The following BBS9 variants were observed in gnomAD, a reference collection of about 807,000 sequenced individuals.
BBS9 encodes protein PTHB1.
In BBS9, 89 loss-of-function variants were observed where a neutral mutation model predicts 117.7. The ratio of observed to expected loss-of-function variants is 0.76; its 90% CI spans 0.64 to 0.90. The LOEUF (loss-of-function observed/expected upper bound fraction) is 0.90. Ranked by LOEUF, BBS9 falls within the 40% of genes least tolerant of loss-of-function variation. The pLI is 0.00. For synonymous variants in BBS9, 379 were observed against 370.9 expected (o/e 1.02, Z -0.25); for missense variants, 982 against 1,042.2 (o/e 0.94, Z 0.80).
chr7:33,239,563 C>T (rs915792774), intron 5 of BBS9, among the ~76,000 whole-genome samples: 30 of 152,198 alleles, frequency 2.0e-4, no homozygotes, highest in South Asian at 2.1e-4. Context: ...GCACGTGCCA[C>T]CATGCCCCAA....
At position 33,475,013 on chromosome 7, in the gene BBS9, C is replaced by T. The variant is rs115864458; in HGVS notation, c.2116-30450C>T. ...TGTCCAGCAACATTTGTCTTCCATCCTATTGATCCTAATAGTCTTTGCCTT... is the reference window on the plus strand; with the variant it reads ...TGTCCAGCAACATTTGTCTTCCATCTTATTGATCCTAATAGTCTTTGCCTT... On this transcript the variant is annotated intron_variant, in intron 19 of 22. Transcript: ENST00000242067. 1.7e-3 allele frequency among the ~76,000 whole-genome samples: 258 copies of T among 152,306 alleles called. 1 individual carries two copies. The highest frequency in any genetic ancestry group is 5.5e-3 in the African/African-American group (228 of 41,578).
At chr7:33,204,294 C>T (rs569525155) in intron 5 of BBS9, among the ~76,000 whole-genome samples, 1 of 150,608 alleles carries the variant, frequency 6.6e-6, no homozygotes, top group East Asian at 2.0e-4. Flanking sequence ...GTAATCCCAG[C>T]TACTTGGGAG....
intron 2 of BBS9, among the ~76,000 whole-genome samples, chr7:33,151,257 A>G (rs76623231): frequency 0.028 from 4,115 of 147,676 alleles, 75 homozygotes; most frequent in African/African-American, 0.062. Context: ...GTCTCAAAGG[A>G]AAAAAAAAAA....
intron 20 of BBS9, among the ~76,000 whole-genome samples, chr7:33,511,114 T>G (rs1846893791): frequency 6.6e-6 from 1 of 152,090 alleles, no homozygotes; most frequent in African/African-American, 2.4e-5. Flanking sequence ...CCATGATTAA[T>G]TTTTTTCTGT....
chr7:33,468,465 A>G (rs970141232), intron 19 of BBS9, among the ~76,000 whole-genome samples: 1 of 152,194 alleles, frequency 6.6e-6, no homozygotes, highest in South Asian at 2.1e-4. Context: ...CAATGTATTA[A>G]TGATCAAACC....
At chr7:33,302,551 T>A (rs1806715678) in intron 9 of BBS9, among the ~76,000 whole-genome samples, 1 of 152,238 alleles carries the variant, frequency 6.6e-6, no homozygotes, top group Non-Finnish European at 1.5e-5. Flanking sequence ...CCTCAATTTA[T>A]GTTCTTGACA....
chr7:33,522,301 A>G (rs1484313250), intron 20 of BBS9, among the ~76,000 whole-genome samples: 1 of 152,020 alleles, frequency 6.6e-6, no homozygotes, highest in Admixed American at 6.5e-5. Flanking sequence ...TTCTAGTTCT[A>G]GATCCCTGAG....
intron 21 of BBS9, among the ~76,000 whole-genome samples, chr7:33,547,047 A>T (rs1853501550): frequency 6.6e-6 from 1 of 152,140 alleles, no homozygotes. Flanking sequence ...TGAAATAATT[A>T]TAGACTCGTG....
At chr7:33,298,018 G>A (rs1268278562) in intron 9 of BBS9, among the ~76,000 whole-genome samples, 1 of 151,908 alleles carries the variant, frequency 6.6e-6, no homozygotes, top group African/African-American at 2.4e-5. Flanking sequence ...TCTCTTATTT[G>A]TTGGTAAATC....
intron 9 of BBS9, among the ~76,000 whole-genome samples, chr7:33,295,366 G>T (rs1320512794): frequency 6.6e-6 from 1 of 151,884 alleles, no homozygotes; most frequent in African/African-American, 2.4e-5. Flanking sequence ...AAAGACTACA[G>T]ATTATGTAAA....
intron 21 of BBS9, among the ~76,000 whole-genome samples, chr7:33,588,564 C>A (rs1024386683): frequency 3.3e-5 from 5 of 152,040 alleles, no homozygotes; most frequent in Non-Finnish European, 5.9e-5. Context: ...CTTATTCTCA[C>A]AAGTGAAGAC....
intron 19 of BBS9, among the ~76,000 whole-genome samples, chr7:33,431,795 G>C (rs1376429958): frequency 6.6e-6 from 1 of 152,178 alleles, no homozygotes; most frequent in Non-Finnish European, 1.5e-5. Context: ...AGAGCCATAT[G>C]TTTAATGGAA....
chr7:33,477,928 G>A lies in BBS9; in HGVS notation c.2116-27535G>A, dbSNP rs573283567. On this transcript the variant is annotated intron_variant, in intron 19 of 22. Coordinates refer to ENST00000242067, the MANE Select transcript of BBS9 (RefSeq NM_198428.3). ...GTTGTGTCATCTTTTGTTTGGTATTGTTTGTTGGGTTTTTTGGAAGAAGTG... is the reference window on the plus strand; with the variant it reads ...GTTGTGTCATCTTTTGTTTGGTATTATTTGTTGGGTTTTTTGGAAGAAGTG... 5.9e-5 allele frequency among the ~76,000 whole-genome samples: 9 copies of A among 152,216 alleles called. 1 individual carries two copies. The South Asian group carries it at 1.7e-3, about 28-fold the overall frequency.
At chr7:33,499,793 T>C (rs1845198151) in intron 19 of BBS9, among the ~76,000 whole-genome samples, 1 of 152,202 alleles carries the variant, frequency 6.6e-6, no homozygotes, top group East Asian at 1.9e-4. Flanking sequence ...TTTTTATAAT[T>C]AAGTGAGATT....
Position 33,133,297 on chromosome 7 carries a change from A to C in BBS9, c.-12+3256A>C, listed in dbSNP as rs115175932. Among the ~76,000 whole-genome samples, 641 of 152,366 alleles carry C rather than the reference A, an allele frequency of 4.2e-3. 2 individuals are homozygous for C. The highest frequency in any genetic ancestry group is 0.015 in the African/African-American group (624 of 41,594). ...TTCACCCATTTAACACATAAAATTCAGTTCCTTTTTTGTATATTCACAGAT... is the reference window on the plus strand; with the variant it reads ...TTCACCCATTTAACACATAAAATTCCGTTCCTTTTTTGTATATTCACAGAT... On this transcript the variant is annotated intron_variant, in intron 1 of 22. Coordinates refer to ENST00000242067, the MANE Select transcript of BBS9 (RefSeq NM_198428.3).
intron 14 of BBS9, 87 bp from the exon 15 acceptor site, chr7:33,352,772 G>A: frequency 7.0e-7 from 1 of 1,419,548 alleles, no homozygotes; most frequent in Non-Finnish European, 1.0e-6. Flanking sequence ...AAGCAGATAT[G>A]TGTCAAATTT....
rs182020215 is a variant in BBS9, at chr7:33,620,324, A to C, written c.2522-14853A>C. Among the ~76,000 whole-genome samples the C allele has an allele frequency of 2.5e-3, 381 of 152,108 alleles. 1 individual carries two copies. Among genetic ancestry groups the C allele is most frequent in the African/African-American group, 8.9e-3 (368 of 41,558 alleles). ...TAGATTAATAATCTTGTGTATAGTA[A>C]ATCCTTAGGACTCCTTAAAAAAACT... is the stretch of plus-strand genomic sequence containing the variant. On this transcript the variant is annotated intron_variant, in intron 21 of 21. Coordinates refer to the BBS9 transcript ENST00000671952.
intron 9 of BBS9, among the ~76,000 whole-genome samples, chr7:33,305,524 A>G (rs12112185): frequency 0.011 from 1,714 of 152,288 alleles, 29 homozygotes; most frequent in African/African-American, 0.04. Flanking sequence ...TCAGCAGTAA[A>G]GTCATCGTGT....
chr7:33,283,975 C>T (rs78618523), intron 9 of BBS9, among the ~76,000 whole-genome samples: 347 of 152,244 alleles, frequency 2.3e-3, no homozygotes, highest in African/African-American at 8.2e-3. Context: ...GTCCTTGGTG[C>T]TAAGAATCAG....
Sources: gnomAD v4.1 joint callset for allele counts (sites outside exome capture counted in the v4.1 genomes callset) on GRCh38, gnomAD v4.1.1 for gene constraint, MANE v1.5 for transcripts, NCBI Gene and HGNC (gene_info 2026-07-23, HGNC 2026-07-21) for gene names.